Variants in APP observed in about 807,000 individuals in gnomAD.
APP encodes the protein amyloid beta precursor protein.
Under a neutral mutation model 101.4 loss-of-function variants are expected in APP, and 31 were observed. The ratio of observed to expected loss-of-function variants is 0.31; its 90% CI spans 0.23 to 0.41. The LOEUF is 0.41. Ranked by LOEUF, APP falls within the 10% of genes least tolerant of loss-of-function variation. The pLI is 1.00. For synonymous variants in APP, 366 were observed against 364.4 expected, an observed-to-expected ratio of 1.00 and a Z score of -0.05; for missense variants, 839 against 1,003.7, an observed-to-expected ratio of 0.84 and a Z score of 2.22.
intron 13 of APP, among the ~76,000 whole-genome samples, chr21:25,944,039 C>CG: frequency 1.3e-5 from 2 of 152,020 alleles, no homozygotes; most frequent in Non-Finnish European, 2.9e-5. Flanking sequence ...TCAATGCCCC[C>CG]CCCCAACCAA....
intron 12 of APP, among the ~76,000 whole-genome samples, chr21:25,955,388 T>C (rs1339269715): frequency 1.3e-5 from 2 of 152,224 alleles, no homozygotes; most frequent in African/African-American, 4.8e-5. Flanking sequence ...AATCAGTTCC[T>C]TAGCAATCAG....
At chr21:26,129,135 AG>A (rs1458969469) in intron 1 of APP, among the ~76,000 whole-genome samples, 1 of 152,204 alleles carries the variant, frequency 6.6e-6, no homozygotes, top group African/African-American at 2.4e-5. Context: ...AAATGCCAAA[AG>A]GGTACAAGTC....
chr21:25,959,124 C>G (rs868168260), intron 11 of APP, among the ~76,000 whole-genome samples: 18 of 152,160 alleles, frequency 1.2e-4, no homozygotes, highest in African/African-American at 4.3e-4. Flanking sequence ...TAAGATAGTT[C>G]TACAAAGCAA....
intron 11 of APP, among the ~76,000 whole-genome samples, chr21:25,974,082 G>C (rs2042138038): frequency 6.6e-6 from 1 of 151,768 alleles, no homozygotes; most frequent in African/African-American, 2.4e-5. Flanking sequence ...ATGCCTTTTT[G>C]GGGCAATGAT....
At position 26,170,638 on chromosome 21, in the gene APP, C is replaced by A; in HGVS notation, c.-18G>T. On this transcript the variant is annotated 5_prime_UTR_variant, in exon 1 of 18. Transcript: ENST00000346798. ...GGCAGCATCGCGACCCTGCGCGGGG[C>A]ACCGAGTGCGCTGCTGTGCGAGTGG... 1 of 1,532,500 alleles carries A rather than the reference C, an allele frequency of 6.5e-7. No individual in the cohort carries two copies. Among genetic ancestry groups the A allele is most frequent in the Non-Finnish European group, 8.7e-7 (1 of 1,144,436 alleles). 94.9% of individuals were successfully genotyped at this position (1,532,500 alleles called of 1,614,324 possible).
rs373836123 is a variant in APP at position 25,903,916 on chromosome 21, C to G, written c.1963+1108G>C. Among the ~76,000 whole-genome samples, 11 of 152,192 alleles carry G rather than the reference C, an allele frequency of 7.2e-5. No individual in the cohort carries two copies. In the East Asian group the frequency reaches 1.7e-3, roughly 24 times the overall value. ...GGCATGAAGATGCCACAGGCAGACT[C>G]TCAGTCTTCATCAGTGACCGTGCTT... On this transcript the variant is annotated intron_variant, in intron 15 of 17. Transcript: ENST00000346798.
rs537557266 is a variant in APP, at chr21:25,970,023, AAAAT to A, written c.1458+5043_1458+5046del. ...AACAGAGAAAGAGAGAGAGAGAGAG[AAAAT>A]AAATAAATAAATAAATAAATCCGAG... On this transcript the variant is annotated intron_variant, in intron 11 of 17. Coordinates refer to ENST00000346798, the MANE Select transcript of APP (RefSeq NM_000484.4). 2.9e-3 allele frequency among the ~76,000 whole-genome samples: 442 copies of A among 150,498 alleles called. 3 individuals carry two copies. Among genetic ancestry groups the A allele is most frequent in the African/African-American group, 0.01 (414 of 40,582 alleles).
Position 26,046,371 on chromosome 21 carries a change from C to T in APP, c.662+4629G>A, listed in dbSNP as rs1420678119. ...GTTGCAGTGAGCCAAGATCACACCA[C>T]TGTACTCCAGCCTGGGCAACAAGAG... On this transcript the variant is annotated intron_variant, in intron 5 of 17. Transcript: ENST00000346798. Among the ~76,000 whole-genome samples, 20 of 150,616 alleles carry T rather than the reference C, an allele frequency of 1.3e-4. No homozygotes were observed. The Admixed American group carries it at 1.3e-3, about 10-fold the overall frequency.
intron 13 of APP, among the ~76,000 whole-genome samples, chr21:25,946,435 G>A (rs45512500): frequency 6.6e-6 from 1 of 152,152 alleles, no homozygotes; most frequent in Admixed American, 6.5e-5. Flanking sequence ...GAAGGCCGAG[G>A]TGGGCAGGTT....
Position 25,975,190 on chromosome 21 carries a change from T to C in APP, c.1338A>G (p.Ala446=), listed in dbSNP as rs2042180387. Residue 446 remains alanine (A), a synonymous_variant, in exon 11 of 18, where the codon GCA becomes GCG. Transcript: ENST00000346798. ...QEKVESLEQE[A]ANERQQLVET... is the part of the protein sequence containing the mutation. ...CCACCAGCTGCTGTCTCTCGTTGGC[T>C]GCTTCCTGTTCCAAAGATTCCACTT... 1 of 1,614,220 alleles carries C rather than the reference T, an allele frequency of 6.2e-7. No individual in the cohort carries two copies.
At chr21:25,940,029 C>T (rs897192063) in intron 13 of APP, among the ~76,000 whole-genome samples, 4 of 152,062 alleles carry the variant, frequency 2.6e-5, no homozygotes, top group African/African-American at 7.2e-5. Context: ...TTTCACTGAT[C>T]GTTTAGGCTG....
intron 2 of APP, among the ~76,000 whole-genome samples, chr21:26,097,953 G>A (rs758674735): frequency 5.9e-5 from 9 of 151,644 alleles, no homozygotes; most frequent in African/African-American, 1.2e-4. Context: ...GGTGGCAGGC[G>A]CCTGTAGTCT....
At chr21:25,907,124 C>T (rs377708525) in intron 14 of APP, among the ~76,000 whole-genome samples, 7 of 152,120 alleles carry the variant, frequency 4.6e-5, no homozygotes, top group African/African-American at 1.7e-4. Context: ...ATAAGTTTCT[C>T]TGCCTCTCCC....
intron 5 of APP, among the ~76,000 whole-genome samples, chr21:26,029,163 G>A (rs184522062): frequency 6.6e-6 from 1 of 152,304 alleles, no homozygotes; most frequent in Non-Finnish European, 1.5e-5. Flanking sequence ...GGTGGAGACA[G>A]ACAGGCATAG....
intron 3 of APP, among the ~76,000 whole-genome samples, chr21:26,062,230 A>AACACACACACACACAC (rs55971567): frequency 6.9e-6 from 1 of 145,036 alleles, no homozygotes; most frequent in Non-Finnish European, 1.5e-5. Flanking sequence ...CAAACAAACA[A>AACACACACACACACAC]ACACACACAC....
chr21:25,898,635 A>T (rs1434954330), intron 15 of APP, among the ~76,000 whole-genome samples: 1 of 152,154 alleles, frequency 6.6e-6, no homozygotes, highest in African/African-American at 2.4e-5. Context: ...GCCTGCCCAA[A>T]CTGTCCTTTT....
chr21:25,908,315 T>C (rs966508715), intron 14 of APP, among the ~76,000 whole-genome samples: 1 of 152,270 alleles, frequency 6.6e-6, no homozygotes, highest in Non-Finnish European at 1.5e-5. Flanking sequence ...TTTTCTTCAA[T>C]GTAAATTTAA....
intron 1 of APP, among the ~76,000 whole-genome samples, chr21:26,130,151 T>C (rs2830076): frequency 0.55 from 84,285 of 152,122 alleles, 25,410 homozygotes; most frequent in South Asian, 0.7. Flanking sequence ...GAATAGATGG[T>C]CATTCACACG....
chr21:25,975,317 A>G (rs780096204), intron 10 of APP, 89 bp from the exon 11 acceptor site: 30 of 1,545,052 alleles, frequency 1.9e-5, no homozygotes, highest in Non-Finnish European at 2.4e-5. Context: ...ATCCTATTCC[A>G]TTTTCTTCTA....
Sources: gnomAD v4.1 joint callset for allele counts (sites outside exome capture counted in the v4.1 genomes callset) on GRCh38, gnomAD v4.1.1 for gene constraint, MANE v1.5 for transcripts, NCBI Gene and HGNC (gene_info 2026-07-23, HGNC 2026-07-21) for gene names.